TYSND1: variants seen among roughly 807,000 people sequenced by gnomAD.
TYSND1 encodes peroxisomal leader peptide-processing protease.
Under a neutral mutation model 37.2 loss-of-function variants are expected in TYSND1, and 30 were observed. The observed-to-expected ratio is 0.81, with a 90% CI of 0.60 to 1.09. TYSND1 has a LOEUF of 1.09. TYSND1 is among the 50% of genes least tolerant of loss of function. The pLI, the probability that TYSND1 is intolerant of heterozygous loss-of-function variation, is 0.00. For missense variants in TYSND1, 806 were observed against 817.4 expected, an observed-to-expected ratio of 0.99 and a Z score of 0.17; for synonymous variants, 364 against 383.8, an observed-to-expected ratio of 0.95 and a Z score of 0.60.
At chr10:70,144,579 T>A in intron 1 of TYSND1, 1 of 986,716 alleles carries the variant, frequency 1.0e-6, no homozygotes, top group Non-Finnish European at 1.2e-6. Flanking sequence ...GTTAAGTGAC[T>A]TGCCCGGGAT....
At position 70,138,482 on chromosome 10, in the gene TYSND1, G is replaced by C. The variant is rs2072704230; in HGVS notation, c.*1442C>G. 6.6e-6 allele frequency: 1 copy of C among 152,446 alleles called. No individual in the cohort carries two copies. Among genetic ancestry groups the C allele is most frequent in the Non-Finnish European group, 1.5e-5 (1 of 68,234 alleles). The allele number at this position is 152,446 out of a possible 1,614,324, so 9.4% of individuals were successfully genotyped here. A position where few individuals can be genotyped will look rare whatever the true frequency, so the allele number is the denominator to read the frequency against. Reference sequence around the variant, plus strand: ...TCTTCCTGCGTGGCCTCCGCCCACAGCCGCCCCTCACAGGGCTTTCAGCCT... The same window carrying C: ...TCTTCCTGCGTGGCCTCCGCCCACACCCGCCCCTCACAGGGCTTTCAGCCT... On this transcript the variant is annotated 3_prime_UTR_variant, in exon 4 of 4. Coordinates refer to ENST00000287078, the MANE Select transcript of TYSND1 (RefSeq NM_173555.4).
chr10:70,144,819 T>G (rs1316714198), intron 1 of TYSND1: 1 of 984,382 alleles, frequency 1.0e-6, no homozygotes, highest in East Asian at 1.1e-4. Context: ...TGGCTAAGCT[T>G]GGGGATTCAG....
chr10:70,144,602 T>G, intron 1 of TYSND1: 6 of 986,670 alleles, frequency 6.1e-6, no homozygotes, highest in Non-Finnish European at 7.2e-6. Context: ...GACAGGGGCG[T>G]CCTACTACAC....
chr10:70,143,435 A>G (rs573440585), intron 2 of TYSND1, among the ~76,000 whole-genome samples: 3 of 152,332 alleles, frequency 2.0e-5, no homozygotes, highest in East Asian at 3.9e-4. Flanking sequence ...TGGCATAGGA[A>G]AGATGCCCAT....
intron 3 of TYSND1, among the ~76,000 whole-genome samples, chr10:70,141,426 AG>A (rs2072772563): frequency 6.6e-6 from 1 of 152,152 alleles, no homozygotes; most frequent in South Asian, 2.1e-4. Flanking sequence ...TGTCTGGCTC[AG>A]GTCAGTGATT....
chr10:70,140,240 G>C (rs192487583), intron 3 of TYSND1, 99 bp from the exon 4 acceptor site: 2 of 1,002,816 alleles, frequency 2.0e-6, no homozygotes, highest in Non-Finnish European at 2.9e-6. Context: ...CCCAGGGCCT[G>C]GTAGGGCTGG....
intron 1 of TYSND1, chr10:70,144,947 T>C: frequency 4.7e-6 from 1 of 213,780 alleles, no homozygotes; most frequent in Non-Finnish European, 8.1e-6. Context: ...CGGGAAGCTC[T>C]GGCTAAGCAC....
At position 70,145,540 on chromosome 10, in the gene TYSND1, C is replaced by G; in HGVS notation, c.1047G>C (p.Leu349Phe). 6.6e-7 allele frequency: 1 copy of G among 1,509,926 alleles called. No individual in the cohort carries two copies. The highest frequency in any genetic ancestry group is 1.4e-5 in the African/African-American group (1 of 70,016). 93.5% of individuals were successfully genotyped at this position (1,509,926 alleles called of 1,614,324 possible). A position where few individuals can be genotyped will look rare whatever the true frequency, so the allele number is the denominator to read the frequency against. The change falls in exon 1 of 4, where the codon TTG (leucine) becomes TTC (phenylalanine). Residue 349 changes from leucine to phenylalanine, a missense_variant. Leu to Phe is a conservative substitution (Grantham distance 22). Around this residue, in one of 3 missense-constraint regions of TYSND1, gnomAD observed 708 missense variants for 705.4 expected, o/e 1.00. Coordinates refer to ENST00000287078, the MANE Select transcript of TYSND1 (RefSeq NM_173555.4). ...AGCCCCATACGGTGCCGCACTCCAC[C>G]AACACTGCCGCGGCTGCCCACAGGG... is the stretch of plus-strand genomic sequence containing the variant. ...SGPLWAAAAV[L>F]VECGTVWGSG...
At chr10:70,144,469 G>T in intron 1 of TYSND1, 7 of 994,742 alleles carry the variant, frequency 7.0e-6, no homozygotes, top group Non-Finnish European at 8.4e-6. Flanking sequence ...ACTCCTCTGG[G>T]TCCCTATTTA....
chr10:70,146,380 G>C lies in TYSND1; in HGVS notation c.207C>G (p.Ala69=), dbSNP rs1277283321. The change falls in exon 1 of 4, where the codon GCC becomes GCG. Residue 69 remains alanine (A), a synonymous_variant. Coordinates refer to ENST00000287078, the MANE Select transcript of TYSND1 (RefSeq NM_173555.4). ...TGCAACTGTCGCCAGGCAGGAAGAC[G>C]GCGCCGGCCGCGGTCAGGACTTCGC... The part of the protein sequence containing the change: ...AGSEVLTAAG[A]VFLPGDSCRD... The C allele has an allele frequency of 1.3e-6, 2 of 1,569,710 alleles. No homozygotes were observed. Among genetic ancestry groups the C allele is most frequent in the Non-Finnish European group, 1.7e-6 (2 of 1,164,100 alleles).
chr10:70,141,079 G>C (rs974706678), intron 3 of TYSND1, among the ~76,000 whole-genome samples: 1 of 150,972 alleles, frequency 6.6e-6, no homozygotes, highest in Non-Finnish European at 1.5e-5. Flanking sequence ...CAACCTCCTG[G>C]GCTCAAGTGA....
At position 70,145,413 on chromosome 10, in the gene TYSND1, G is replaced by A. The variant is rs773180600; in HGVS notation, c.1166+8C>T. The stretch of plus-strand genomic sequence containing the variant: ...AGGGATGAAGTGGCGTCAGCCCTGC[G>A]GGCTTACTTGGGGGTGGTGGAGCGC... On this transcript the variant is annotated splice_region_variant and intron_variant, in intron 1 of 3. Transcript: ENST00000287078. 5.0e-6 allele frequency: 7 copies of A among 1,413,830 alleles called. No individual in the cohort carries two copies. Among genetic ancestry groups the A allele is most frequent in the South Asian group, 3.2e-5 (2 of 61,850 alleles). The allele number at this position is 1,413,830 out of a possible 1,614,324, so 87.6% of individuals were successfully genotyped here.
chr10:70,141,669 C>T (rs897546603), intron 3 of TYSND1, among the ~76,000 whole-genome samples: 3 of 152,010 alleles, frequency 2.0e-5, no homozygotes, highest in Non-Finnish European at 4.4e-5. Context: ...GATCACTTGG[C>T]TGAGGTGGTA....
Position 70,142,657 on chromosome 10 carries a change from G to A in TYSND1, c.1483+11C>T, listed in dbSNP as rs2292722. On this transcript the variant is annotated intron_variant, in intron 3 of 3. Coordinates refer to ENST00000287078, the MANE Select transcript of TYSND1 (RefSeq NM_173555.4). ...AGTGGGAGGGCGGGAGGGGGCCAAAGAGCTGGTTACCAAGGAGGTTTCCTG... is the reference window on the plus strand; with the variant it reads ...AGTGGGAGGGCGGGAGGGGGCCAAAAAGCTGGTTACCAAGGAGGTTTCCTG... 2 of 1,552,408 alleles carry A rather than the reference G, an allele frequency of 1.3e-6. No homozygotes were observed. Among genetic ancestry groups the A allele is most frequent in the Non-Finnish European group, 1.7e-6 (2 of 1,145,826 alleles).
chr10:70,139,820 C>G lies in TYSND1; in HGVS notation c.*104G>C. The G allele has an allele frequency of 1.7e-6, 2 of 1,179,520 alleles. No individual in the cohort carries two copies. The highest frequency in any genetic ancestry group is 4.4e-5 in the Admixed American group (2 of 45,932). 73.1% of individuals were successfully genotyped at this position (1,179,520 alleles called of 1,614,324 possible). A position where few individuals can be genotyped will look rare whatever the true frequency, so the allele number is the denominator to read the frequency against. ...GGGTGGAGATGAGAGGCAGCCTGGG[C>G]CCCTGCAGGGGCTGGGCCCTGAATC... On this transcript the variant is annotated 3_prime_UTR_variant, in exon 4 of 4. Transcript: ENST00000287078.
chr10:70,140,173 T>A (rs753050632), intron 3 of TYSND1, 32 bp from the exon 4 acceptor site: 1 of 1,553,208 alleles, frequency 6.4e-7, no homozygotes, highest in Non-Finnish European at 8.8e-7. Context: ...AAAGAGGATG[T>A]GAGCCAGGGG....
rs1299543244 is a variant in TYSND1, at chr10:70,143,900, G to A, written c.1239C>T (p.Ser413=). The change falls in exon 2 of 4, where the codon AGC becomes AGT. Residue 413 remains serine, a synonymous_variant. Coordinates refer to ENST00000287078, the MANE Select transcript of TYSND1 (RefSeq NM_173555.4). The stretch of plus-strand genomic sequence containing the variant: ...GGACATCATCCAGGTCCTCCTCCAG[G>A]CTCACCACTGCTATGTCATAGGGAC... ...ETCPYDIAVV[S]LEEDLDDVPI... 6.2e-7 allele frequency: 1 copy of A among 1,614,192 alleles called. No homozygotes were observed. Among genetic ancestry groups the A allele is most frequent in the Admixed American group, 1.7e-5 (1 of 60,024 alleles).
chr10:70,145,427 G>C lies in TYSND1; in HGVS notation c.1160C>G (p.Thr387Ser). 1.4e-6 allele frequency: 2 copies of C among 1,433,986 alleles called. No homozygotes were observed. Among genetic ancestry groups the C allele is most frequent in the Non-Finnish European group, 1.8e-6 (2 of 1,092,870 alleles). The allele number at this position is 1,433,986 out of a possible 1,614,324, so 88.8% of individuals were successfully genotyped here. The change falls in exon 1 of 4, where the codon ACC becomes AGC. Residue 387 changes from threonine (T) to serine (S), a missense_variant. Thr to Ser is a moderately conservative substitution (Grantham distance 58). Transcript: ENST00000287078. Reference protein sequence around the residue: ...EAARVLVRSTTPKSVAIWGRV... With the variant: ...EAARVLVRSTSPKSVAIWGRV... The stretch of plus-strand genomic sequence containing the variant: ...GTCAGCCCTGCGGGCTTACTTGGGG[G>C]TGGTGGAGCGCACCAGGACCCTGGC...
At chr10:70,142,024 A>C (rs912984466) in intron 3 of TYSND1, among the ~76,000 whole-genome samples, 1 of 152,240 alleles carries the variant, frequency 6.6e-6, no homozygotes, top group Non-Finnish European at 1.5e-5. Context: ...GTAGACAACA[A>C]GAGCAAGGTT....
Sources: allele counts gnomAD v4.1 joint callset (sites outside exome capture counted in the v4.1 genomes callset), GRCh38; gene constraint gnomAD v4.1.1; regional missense constraint gnomAD v4.1.1; transcripts MANE v1.5; gene names NCBI Gene and HGNC (gene_info 2026-07-23, HGNC 2026-07-21).